Variants in PLD5 observed in about 807,000 individuals in gnomAD.
PLD5 encodes the protein phospholipase D family member 5.
Under a neutral mutation model 61.1 loss-of-function variants are expected in PLD5, and 36 were observed. The observed-to-expected ratio is 0.59, with a 90% CI of 0.45 to 0.78. The LOEUF is 0.78. PLD5 is among the 30% of genes least tolerant of loss of function. The pLI is 0.00. For synonymous variants in PLD5, 243 were observed against 242.8 expected, an observed-to-expected ratio of 1.00 and a Z score of -0.01; for missense variants, 515 against 644.4, an observed-to-expected ratio of 0.80 and a Z score of 2.17.
intron 1 of PLD5, among the ~76,000 whole-genome samples, chr1:242,455,738 T>C (rs1334411045): frequency 1.3e-5 from 2 of 152,252 alleles, no homozygotes; most frequent in South Asian, 2.1e-4. Context: ...TCACTTTATA[T>C]GGCATTTCTA....
At chr1:242,455,246 G>A (rs1666909947) in intron 1 of PLD5, among the ~76,000 whole-genome samples, 1 of 152,184 alleles carries the variant, frequency 6.6e-6, no homozygotes, top group South Asian at 2.1e-4. Flanking sequence ...TTTAGATGAA[G>A]ATAATCCAGA....
chr1:242,170,717 C>T (rs935362451), intron 5 of PLD5, among the ~76,000 whole-genome samples: 1 of 152,072 alleles, frequency 6.6e-6, no homozygotes, highest in Admixed American at 6.6e-5. Flanking sequence ...TGTAAATGAC[C>T]CGATGGAGCT....
intron 1 of PLD5, among the ~76,000 whole-genome samples, chr1:242,363,677 C>T (rs1160196501): frequency 6.6e-6 from 1 of 151,828 alleles, no homozygotes; most frequent in Non-Finnish European, 1.5e-5. Context: ...TTGAAGTCAA[C>T]TCAGAAATGA....
chr1:242,498,981 T>C, intron 1 of PLD5, among the ~76,000 whole-genome samples: 1 of 152,218 alleles, frequency 6.6e-6, no homozygotes, highest in Non-Finnish European at 1.5e-5. Flanking sequence ...ATAGTGTTAA[T>C]ATTAATTGTG....
intron 1 of PLD5, among the ~76,000 whole-genome samples, chr1:242,389,037 G>A (rs192957861): frequency 3.4e-5 from 5 of 147,702 alleles, no homozygotes; most frequent in Admixed American, 1.4e-4. Context: ...GCTGGTGACA[G>A]AGTGAGACTC....
chr1:242,292,217 T>C (rs1175857261), intron 2 of PLD5, among the ~76,000 whole-genome samples: 4 of 152,164 alleles, frequency 2.6e-5, no homozygotes, highest in African/African-American at 7.2e-5. Context: ...ACTCAGTAGT[T>C]TCTGCCTCCC....
intron 1 of PLD5, among the ~76,000 whole-genome samples, chr1:242,352,872 A>C (rs1411329543): frequency 6.6e-6 from 1 of 152,078 alleles, no homozygotes; most frequent in Non-Finnish European, 1.5e-5. Context: ...CCCTTTACTT[A>C]TTTCTTAATC....
chr1:242,266,959 A>C (rs1673714910), intron 3 of PLD5, among the ~76,000 whole-genome samples: 1 of 152,048 alleles, frequency 6.6e-6, no homozygotes, highest in Admixed American at 6.5e-5. Flanking sequence ...TCTACTAAAA[A>C]TACAAAAATC....
At chr1:242,283,526 A>G (rs71650691) in intron 3 of PLD5, among the ~76,000 whole-genome samples, 6 of 152,188 alleles carry the variant, frequency 3.9e-5, no homozygotes, top group Non-Finnish European at 8.8e-5. Context: ...ACATTTGACT[A>G]TTGTCCCCCA....
At chr1:242,419,572 A>ATTTTTTTTTTT (rs767869905) in intron 1 of PLD5, among the ~76,000 whole-genome samples, 26 of 97,090 alleles carry the variant, frequency 2.7e-4, no homozygotes, top group African/African-American at 1.0e-3. Flanking sequence ...AATTTTTTGC[A>ATTTTTTTTTTT]TTTTTTTTTT....
At chr1:242,322,887 T>C (rs1379693664) in intron 2 of PLD5, among the ~76,000 whole-genome samples, 6 of 152,172 alleles carry the variant, frequency 3.9e-5, no homozygotes, top group African/African-American at 1.4e-4. Context: ...GACTAATACA[T>C]ATGTATATAT....
intron 1 of PLD5, among the ~76,000 whole-genome samples, chr1:242,522,158 A>G (rs759126824): frequency 8.5e-5 from 13 of 152,242 alleles, no homozygotes; most frequent in Non-Finnish European, 1.8e-4. Flanking sequence ...CTCTCATTAA[A>G]TGTAGTTGAA....
intron 1 of PLD5, among the ~76,000 whole-genome samples, chr1:242,373,190 C>T (rs902283430): frequency 3.3e-5 from 5 of 152,104 alleles, no homozygotes; most frequent in African/African-American, 1.2e-4. Flanking sequence ...CCAACAGACA[C>T]GTGAAAAAAT....
chr1:242,389,905 G>A (rs916061842), intron 1 of PLD5, among the ~76,000 whole-genome samples: 4 of 151,856 alleles, frequency 2.6e-5, no homozygotes, highest in Non-Finnish European at 4.4e-5. Flanking sequence ...AATCTCACCC[G>A]TAATACAAGT....
chr1:242,310,572 T>C (rs1676641899), intron 2 of PLD5, among the ~76,000 whole-genome samples: 1 of 152,136 alleles, frequency 6.6e-6, no homozygotes, highest in African/African-American at 2.4e-5. Context: ...GAGAGGAAGA[T>C]GGAAAGCATC....
At chr1:242,448,344 C>T (rs1223714127) in intron 1 of PLD5, among the ~76,000 whole-genome samples, 1 of 152,200 alleles carries the variant, frequency 6.6e-6, no homozygotes, top group Non-Finnish European at 1.5e-5. Context: ...CCAACCCTCC[C>T]TTCATCACCA....
intron 1 of PLD5, among the ~76,000 whole-genome samples, chr1:242,460,664 AGT>A (rs1341662093): frequency 6.6e-6 from 1 of 151,460 alleles, no homozygotes; most frequent in Non-Finnish European, 1.5e-5. Context: ...CACATCCCCA[AGT>A]GTAATGGGGC....
At chr1:242,091,824 C>CT (rs11371948) in intron 9 of PLD5, among the ~76,000 whole-genome samples, 67,467 of 144,456 alleles carry the variant, frequency 0.47, 16,699 homozygotes, top group African/African-American at 0.62. Flanking sequence ...CTTTTCTTTT[C>CT]TTTTTTTCTT....
chr1:242,357,661 A>G (rs1660831923), intron 1 of PLD5, among the ~76,000 whole-genome samples: 1 of 151,602 alleles, frequency 6.6e-6, no homozygotes, highest in East Asian at 1.9e-4. Flanking sequence ...AATTTTTTGT[A>G]TTTGTAGTAG....
Sources: allele counts gnomAD v4.1 joint callset (sites outside exome capture counted in the v4.1 genomes callset), GRCh38; gene constraint gnomAD v4.1.1; transcripts MANE v1.5; gene names NCBI Gene and HGNC (gene_info 2026-07-23, HGNC 2026-07-21).